Variants in SPECC1 observed in about 807,000 individuals in gnomAD.
SPECC1 encodes cytospin-B.
SPECC1 carries 62 observed loss-of-function variants against 104.1 expected under a neutral mutation model. The ratio of observed to expected loss-of-function variants is 0.60; its 90% CI spans 0.49 to 0.74. SPECC1 has a LOEUF of 0.74. SPECC1 is among the 30% of genes least tolerant of loss of function. SPECC1 has a pLI of 0.00. For missense variants in SPECC1, 1,306 were observed against 1,310.5 expected (o/e 1.00, Z 0.05); for synonymous variants, 513 against 501.6 (o/e 1.02, Z -0.30).
chr17:20,256,282 C>T (rs895489974), intron 10 of SPECC1, among the ~76,000 whole-genome samples: 4 of 152,084 alleles, frequency 2.6e-5, no homozygotes, highest in African/African-American at 9.7e-5. Context: ...TTAGCCCCCA[C>T]CAGGCACCTG....
intron 7 of SPECC1, chr17:20,237,297 T>C (rs894405071): frequency 4.6e-6 from 5 of 1,092,656 alleles, no homozygotes; most frequent in South Asian, 3.8e-5. Context: ...GTTGTTGTTG[T>C]TGTTGTTGTT....
chr17:20,070,609 C>A (rs2076619249), intron 1 of SPECC1, among the ~76,000 whole-genome samples: 1 of 152,104 alleles, frequency 6.6e-6, no homozygotes, highest in African/African-American at 2.4e-5. Context: ...TGTGGATATA[C>A]CATAATCTAA....
intron 10 of SPECC1, among the ~76,000 whole-genome samples, chr17:20,256,036 C>T (rs1267753821): frequency 1.3e-5 from 2 of 152,078 alleles, no homozygotes; most frequent in Non-Finnish European, 2.9e-5. Context: ...TGCCACCATG[C>T]CCGGCTAATT....
At chr17:20,276,466 C>T (rs2040580216) in intron 12 of SPECC1, among the ~76,000 whole-genome samples, 1 of 152,182 alleles carries the variant, frequency 6.6e-6, no homozygotes, top group African/African-American at 2.4e-5. Flanking sequence ...AGGGTTATGT[C>T]TTATAAATAG....
At chr17:20,048,028 A>C (rs549415892) in intron 1 of SPECC1, among the ~76,000 whole-genome samples, 5 of 151,974 alleles carry the variant, frequency 3.3e-5, no homozygotes, top group Non-Finnish European at 7.4e-5. Flanking sequence ...CTCATCCGTT[A>C]CCTTCCTTCA....
intron 1 of SPECC1, among the ~76,000 whole-genome samples, chr17:20,025,904 C>T (rs2044581312): frequency 1.3e-5 from 2 of 152,130 alleles, no homozygotes; most frequent in African/African-American, 4.8e-5. Context: ...CATCCTAGTG[C>T]ATATGAAGTG....
intron 12 of SPECC1, among the ~76,000 whole-genome samples, chr17:20,288,771 CTTTTTTTTTTTTT>C (rs60578647): frequency 1.6e-4 from 12 of 73,734 alleles, no homozygotes; most frequent in South Asian, 1.3e-3. Context: ...AAGGGCACTT[CTTTTTTTTTTTTT>C]TTTTTTTTTT....
chr17:20,073,318 T>C (rs2046632882), intron 1 of SPECC1, among the ~76,000 whole-genome samples: 2 of 152,176 alleles, frequency 1.3e-5, no homozygotes, highest in African/African-American at 4.8e-5. Context: ...GTTTTTGTTT[T>C]TAAATCTGTT....
chr17:20,033,871 A>G (rs1029466245), intron 1 of SPECC1, among the ~76,000 whole-genome samples: 1 of 152,166 alleles, frequency 6.6e-6, no homozygotes, highest in African/African-American at 2.4e-5. Flanking sequence ...GTTGCTCCTC[A>G]AGGAGGTACA....
chr17:20,293,376 T>C (rs1306462821), intron 12 of SPECC1, among the ~76,000 whole-genome samples: 2 of 152,198 alleles, frequency 1.3e-5, no homozygotes, highest in East Asian at 3.8e-4. Flanking sequence ...CATCTTAATG[T>C]CATGCATTAT....
chr17:20,056,976 A>G (rs1210727154), intron 1 of SPECC1, among the ~76,000 whole-genome samples: 1 of 152,170 alleles, frequency 6.6e-6, no homozygotes, highest in African/African-American at 2.4e-5. Flanking sequence ...AGAAAGCCGA[A>G]ACCAGAATTA....
At chr17:20,083,851 A>T (rs1481412790) in intron 1 of SPECC1, among the ~76,000 whole-genome samples, 1 of 152,232 alleles carries the variant, frequency 6.6e-6, no homozygotes, top group Non-Finnish European at 1.5e-5. Context: ...CCAGCAATGT[A>T]TTAGAGTTCC....
At chr17:20,084,110 T>A (rs1034017557) in intron 1 of SPECC1, among the ~76,000 whole-genome samples, 2 of 152,214 alleles carry the variant, frequency 1.3e-5, no homozygotes, top group African/African-American at 4.8e-5. Flanking sequence ...GTTATTAATA[T>A]GGACATCATT....
chr17:20,288,660 G>A (rs1424527002), intron 12 of SPECC1, among the ~76,000 whole-genome samples: 1 of 151,818 alleles, frequency 6.6e-6, no homozygotes, highest in Non-Finnish European at 1.5e-5. Flanking sequence ...CCATTATCAT[G>A]CTGTTGATAA....
chr17:20,122,473 T>C (rs2049084459), intron 3 of SPECC1, among the ~76,000 whole-genome samples: 2 of 152,162 alleles, frequency 1.3e-5, no homozygotes, highest in African/African-American at 4.8e-5. Context: ...CTCTCAACTT[T>C]CCTGGTTTTT....
At position 20,111,224 on chromosome 17, in the gene SPECC1, A is replaced by G. The variant is rs562260249; in HGVS notation, c.283+662A>G. 3.4e-4 allele frequency among the ~76,000 whole-genome samples: 52 copies of G among 152,310 alleles called. 2 individuals are homozygous for G. In the South Asian group the frequency reaches 0.01, roughly 30 times the overall value. On this transcript the variant is annotated intron_variant, in intron 3 of 14. Coordinates refer to ENST00000395527, the MANE Select transcript of SPECC1 (RefSeq NM_001243439.2). ...ACTCTTACAGTGCAGCCCTCAGTGT[A>G]TTGCTAAATTGTCTAAGACGGGAAA...
At chr17:20,269,129 A>G (rs1354392168) in intron 12 of SPECC1, among the ~76,000 whole-genome samples, 5 of 152,226 alleles carry the variant, frequency 3.3e-5, no homozygotes, top group Admixed American at 2.0e-4. Flanking sequence ...TAAAGCCCAG[A>G]TGCTATTGGC....
intron 3 of SPECC1, among the ~76,000 whole-genome samples, chr17:20,174,773 G>A (rs920194359): frequency 6.6e-6 from 1 of 151,912 alleles, no homozygotes; most frequent in African/African-American, 2.4e-5. Flanking sequence ...CACAGGTCCC[G>A]CCGGCATTCA....
chr17:20,298,083 G>A lies in SPECC1; in HGVS notation c.3057+1006G>A, dbSNP rs114313923. 6.1e-3 allele frequency among the ~76,000 whole-genome samples: 934 copies of A among 152,296 alleles called. 10 individuals carry two copies. Among genetic ancestry groups the A allele is most frequent in the African/African-American group, 0.021 (878 of 41,558 alleles). On this transcript the variant is annotated intron_variant, in intron 13 of 14. Transcript: ENST00000395527. Reference sequence around the variant, plus strand: ...AACTGGTGTTGGGGCTGGGCATAGTGGCTCCCGCCTGTAATCCCAGTACTT... The same window carrying A: ...AACTGGTGTTGGGGCTGGGCATAGTAGCTCCCGCCTGTAATCCCAGTACTT...
Sources: gnomAD v4.1 joint callset for allele counts (sites outside exome capture counted in the v4.1 genomes callset) on GRCh38, gnomAD v4.1.1 for gene constraint, MANE v1.5 for transcripts, NCBI Gene and HGNC (gene_info 2026-07-23, HGNC 2026-07-21) for gene names.